Variants in RALYL observed in about 807,000 individuals in gnomAD.
RALYL encodes RNA-binding Raly-like protein.
A neutral mutation model predicts 35.1 loss-of-function variants in RALYL; 29 were observed. That is an observed-to-expected ratio of 0.83 (90% CI 0.61 to 1.13). RALYL has a LOEUF of 1.13. RALYL is among the 50% of genes most tolerant of loss of function. The pLI is 0.00. For missense variants in RALYL, 359 were observed against 360.4 expected (o/e 1.00, Z 0.03); for synonymous variants, 120 against 127.6 (o/e 0.94, Z 0.40).
chr8:84,485,831 A>G lies in RALYL; in HGVS notation c.-23-43468A>G, dbSNP rs1031074813. Among the ~76,000 whole-genome samples the G allele has an allele frequency of 5.1e-4, 77 of 152,174 alleles. 1 individual carries two copies. The highest frequency in any genetic ancestry group is 1.8e-3 in the African/African-American group (75 of 41,538). ...TGTTGCCATTCATATCCAAGCAGCC[A>G]TTATTATCATTACGTCTTGTCTACA... On this transcript the variant is annotated intron_variant, in intron 1 of 8. Transcript: ENST00000521268.
At chr8:84,425,523 G>A (rs1015043199) in intron 1 of RALYL, among the ~76,000 whole-genome samples, 4 of 152,150 alleles carry the variant, frequency 2.6e-5, no homozygotes, top group Non-Finnish European at 5.9e-5. Flanking sequence ...CGTCGCTCAC[G>A]CTGGGAGCTG....
chr8:84,427,766 T>C lies in RALYL; in HGVS notation c.-23-101533T>C, dbSNP rs1198703197. 2.6e-5 allele frequency among the ~76,000 whole-genome samples: 4 copies of C among 152,210 alleles called. No individual in the cohort carries two copies. In the South Asian group the frequency reaches 6.2e-4, roughly 24 times the overall value. The stretch of plus-strand genomic sequence containing the variant: ...CTAGCCAGGTTAGACACTTGTCCTC[T>C]ACCGCTCTAGCTTTGTCTTCATAAT... On this transcript the variant is annotated intron_variant, in intron 1 of 8. Transcript: ENST00000521268.
chr8:84,311,053 C>CAAAAAAAAAAAAAAAAAAAAAAAAA (rs34029529), intron 1 of RALYL, among the ~76,000 whole-genome samples: 1 of 9,522 alleles, frequency 1.1e-4, no homozygotes, highest in African/African-American at 4.2e-4. Context: ...GACTCCGTCT[C>CAAAAAAAAAAAAAAAAAAAAAAAAA]AAAAAAAAAA....
At chr8:84,373,517 G>C (rs548258336) in intron 1 of RALYL, among the ~76,000 whole-genome samples, 6 of 152,016 alleles carry the variant, frequency 3.9e-5, no homozygotes, top group African/African-American at 1.4e-4. Context: ...TTGTTGAAGA[G>C]CAGATAGTTC....
chr8:84,887,570 A>C, intron 7 of RALYL, 34 bp from the exon 8 acceptor site: 2 of 1,574,426 alleles, frequency 1.3e-6, no homozygotes, highest in Non-Finnish European at 1.7e-6. Flanking sequence ...TGAGCAACCC[A>C]AGGTAGTAGT....
intron 5 of RALYL, among the ~76,000 whole-genome samples, chr8:84,857,856 CT>C (rs201820608): frequency 1.2e-3 from 181 of 151,890 alleles, no homozygotes; most frequent in Non-Finnish European, 1.9e-3. Flanking sequence ...TTTTTATGTA[CT>C]TTTTTTTCCC....
At chr8:84,892,660 C>T (rs12543835) in intron 8 of RALYL, among the ~76,000 whole-genome samples, 62,208 of 147,938 alleles carry the variant, frequency 0.42, 14,466 homozygotes, top group East Asian at 0.72. Context: ...ATGTAACAAA[C>T]CTGCACGTTG....
intron 4 of RALYL, among the ~76,000 whole-genome samples, chr8:84,832,632 A>C (rs970271828): frequency 7.2e-5 from 11 of 152,174 alleles, no homozygotes; most frequent in African/African-American, 2.2e-4. Context: ...TCAGCTTTTG[A>C]AAATCTGTAG....
intron 7 of RALYL, among the ~76,000 whole-genome samples, chr8:84,873,803 T>A (rs1253583500): frequency 6.6e-6 from 1 of 152,190 alleles, no homozygotes; most frequent in Non-Finnish European, 1.5e-5. Context: ...ACAATTATTA[T>A]AATGCCCAAC....
In RALYL at chr8:84,280,905, G is replaced by A. The variant is rs142710104; in HGVS notation, c.-24+96481G>A. 7.8e-3 allele frequency among the ~76,000 whole-genome samples: 1,180 copies of A among 152,186 alleles called. 18 individuals are homozygous for A. Among genetic ancestry groups the A allele is most frequent in the African/African-American group, 0.027 (1,135 of 41,532 alleles). On this transcript the variant is annotated intron_variant, in intron 1 of 8. Coordinates refer to ENST00000521268, the MANE Select transcript of RALYL (RefSeq NM_173848.7). ...ATTCCATGAAGTAAAAATATGAAGA[G>A]TATTCAAACTGACTCTCTTGCTTAT... is the stretch of plus-strand genomic sequence containing the variant.
chr8:84,852,949 G>C (rs1836188270), intron 5 of RALYL, among the ~76,000 whole-genome samples: 1 of 152,120 alleles, frequency 6.6e-6, no homozygotes. Flanking sequence ...TCTACTACAA[G>C]GGTTTGTGAT....
chr8:84,734,995 A>G (rs1846961222), intron 2 of RALYL, among the ~76,000 whole-genome samples: 1 of 131,894 alleles, frequency 7.6e-6, no homozygotes, highest in South Asian at 2.6e-4. Flanking sequence ...AATGAAATAT[A>G]TAGATATGTT....
At chr8:84,912,981 AGGAT>A (rs1191228454) in intron 8 of RALYL, among the ~76,000 whole-genome samples, 1,388 of 121,130 alleles carry the variant, frequency 0.011, 33 homozygotes, top group African/African-American at 0.035. Flanking sequence ...GTGCAGACCC[AGGAT>A]GGATGGATGG....
chr8:84,688,149 A>G (rs1281928092), intron 2 of RALYL, among the ~76,000 whole-genome samples: 2 of 151,746 alleles, frequency 1.3e-5, no homozygotes, highest in Non-Finnish European at 2.9e-5. Context: ...AGGAACGCAT[A>G]TTTGTAATAT....
rs1012133043 is a variant in RALYL, at chr8:84,921,154, T to G, written c.*243T>G. On this transcript the variant is annotated 3_prime_UTR_variant, in exon 9 of 9. Transcript: ENST00000521268. ...TGTGTTTTCCCCTTTGCTAATTATGTTTTTTTTTTCAGTCTTAAAATGTGA... is the reference window on the plus strand; with the variant it reads ...TGTGTTTTCCCCTTTGCTAATTATGGTTTTTTTTTCAGTCTTAAAATGTGA... 7 of 269,890 alleles carry G rather than the reference T, an allele frequency of 2.6e-5. No homozygotes were observed. Among genetic ancestry groups the G allele is most frequent in the Non-Finnish European group, 3.2e-5 (5 of 156,878 alleles). 16.7% of individuals were successfully genotyped at this position (269,890 alleles called of 1,614,324 possible).
chr8:84,236,783 T>C (rs1410028336), intron 1 of RALYL, among the ~76,000 whole-genome samples: 2 of 151,944 alleles, frequency 1.3e-5, no homozygotes, highest in South Asian at 2.1e-4. Context: ...CTAATAAAAA[T>C]GCAAAGGAAA....
chr8:84,504,292 T>A (rs2056973534), intron 1 of RALYL, among the ~76,000 whole-genome samples: 1 of 152,098 alleles, frequency 6.6e-6, no homozygotes, highest in African/African-American at 2.4e-5. Context: ...CCAATCAGAT[T>A]GATAGAAACT....
At chr8:84,499,204 T>C (rs1377259804) in intron 1 of RALYL, among the ~76,000 whole-genome samples, 2 of 152,192 alleles carry the variant, frequency 1.3e-5, no homozygotes, top group Non-Finnish European at 2.9e-5. Flanking sequence ...TCAGTGAACA[T>C]TGTACCCAAT....
chr8:84,356,779 T>TA (rs995231321), intron 1 of RALYL, among the ~76,000 whole-genome samples: 1 of 150,014 alleles, frequency 6.7e-6, no homozygotes. Context: ...ACACATAACC[T>TA]AACAAGAAAA....
Sources: allele counts gnomAD v4.1 joint callset (sites outside exome capture counted in the v4.1 genomes callset), GRCh38; gene constraint gnomAD v4.1.1; transcripts MANE v1.5; gene names NCBI Gene and HGNC (gene_info 2026-07-23, HGNC 2026-07-21).